Variants in DAP observed in about 807,000 individuals in gnomAD.
DAP encodes death associated protein.
Under a neutral mutation model 13.8 loss-of-function variants are expected in DAP, and 8 were observed. That is an observed-to-expected ratio of 0.58 (90% confidence interval 0.34 to 1.05). DAP has a LOEUF of 1.05. Among genes scored for constraint, DAP ranks in the 50% least tolerant of loss-of-function variants. The pLI, the probability that DAP is intolerant of heterozygous loss-of-function variation, is 0.03. For missense variants in DAP, 106 were observed against 133.2 expected (o/e 0.80, Z 1.01); for synonymous variants, 47 against 47.5 (o/e 0.99, Z 0.04).
In DAP at chr5:10,689,501, T is replaced by G. The variant is rs568580250; in HGVS notation, c.153-5930A>C. On this transcript the variant is annotated intron_variant, in intron 2 of 3. Coordinates refer to ENST00000230895, the MANE Select transcript of DAP (RefSeq NM_004394.3). Reference sequence around the variant, plus strand: ...GAAACCCCAAATTCACGGAGATAGCTCCTTTGTGCTGAGTCATGACTGAAT... The same window carrying G: ...GAAACCCCAAATTCACGGAGATAGCGCCTTTGTGCTGAGTCATGACTGAAT... Among the ~76,000 whole-genome samples, 229 of 152,294 alleles carry G rather than the reference T, an allele frequency of 1.5e-3. 1 individual carries two copies. The highest frequency in any genetic ancestry group is 5.3e-3 in the African/African-American group (222 of 41,568).
At chr5:10,760,531 T>C (rs1247121773) in intron 1 of DAP, among the ~76,000 whole-genome samples, 1 of 152,046 alleles carries the variant, frequency 6.6e-6, no homozygotes, top group Non-Finnish European at 1.5e-5. Context: ...TCATATTGAG[T>C]GATTAATGAT....
rs890330437 is a variant in DAP, at chr5:10,721,761, G to A, written c.152+26414C>T. On this transcript the variant is annotated intron_variant, in intron 2 of 3. Coordinates refer to ENST00000230895, the MANE Select transcript of DAP (RefSeq NM_004394.3). The stretch of plus-strand genomic sequence containing the variant: ...GAAGGTAGTCATCAATACCAGCTAC[G>A]ACCATGTGACCAGTTCCGGCTCCAG... 1.8e-4 allele frequency among the ~76,000 whole-genome samples: 28 copies of A among 152,216 alleles called. 1 individual carries two copies. The highest frequency in any genetic ancestry group is 2.9e-4 in the Non-Finnish European group (20 of 68,036).
In DAP at chr5:10,749,047, GAT is replaced by G. The variant is rs371758491; in HGVS notation, c.56-778_56-777del. ...CTGGACTTGCTTATTTCGGACATGT[GAT>G]ATAAGTGGAATTATAAACTATGTGG... On this transcript the variant is annotated intron_variant, in intron 1 of 3. Coordinates refer to ENST00000230895, the MANE Select transcript of DAP (RefSeq NM_004394.3). Among the ~76,000 whole-genome samples the G allele has an allele frequency of 4.6e-4, 70 of 152,298 alleles. No homozygotes were observed. In the East Asian group the frequency reaches 0.013, roughly 28 times the overall value.
intron 2 of DAP, among the ~76,000 whole-genome samples, chr5:10,744,014 A>G (rs1355601113): frequency 1.3e-5 from 2 of 152,242 alleles, no homozygotes; most frequent in African/African-American, 2.4e-5. Context: ...TGCAAGAAAA[A>G]TAACTAGTAA....
chr5:10,760,371 A>AATC (rs1196971306), intron 1 of DAP, among the ~76,000 whole-genome samples: 2 of 152,158 alleles, frequency 1.3e-5, no homozygotes, highest in African/African-American at 4.8e-5. Flanking sequence ...CAGAAGCATG[A>AATC]AGGCTGCTTA....
Position 10,680,355 on chromosome 5 carries a change from G to T in DAP, c.*701C>A. ...TCTCCTGGTGGAGCCTGTCTGGGCT[G>T]AGGCGATGCTGGGCTTGCCGTGCCG... On this transcript the variant is annotated 3_prime_UTR_variant, in exon 4 of 4. Coordinates refer to ENST00000230895, the MANE Select transcript of DAP (RefSeq NM_004394.3). 1 of 260,786 alleles carries T rather than the reference G, an allele frequency of 3.8e-6. No individual in the cohort carries two copies. The allele number at this position is 260,786 out of a possible 1,614,324, so 16.2% of individuals were successfully genotyped here.
At chr5:10,730,454 G>T (rs1484510493) in intron 2 of DAP, among the ~76,000 whole-genome samples, 2 of 150,014 alleles carry the variant, frequency 1.3e-5, no homozygotes. Flanking sequence ...TGGTCGAGAA[G>T]AATTTTTCTC....
At position 10,734,715 on chromosome 5, in the gene DAP, T is replaced by A. The variant is rs187464356; in HGVS notation, c.152+13460A>T. 7.9e-5 allele frequency among the ~76,000 whole-genome samples: 12 copies of A among 152,322 alleles called. No homozygotes were observed. In the South Asian group the frequency reaches 1.0e-3, roughly 13 times the overall value. On this transcript the variant is annotated intron_variant, in intron 2 of 3. Transcript: ENST00000230895. ...ATATCCACAGGTGTTGGGAGAAATG[T>A]TTAATTTCTATTATATACAACAACA... is the stretch of plus-strand genomic sequence containing the variant.
At chr5:10,744,301 T>C (rs960340979) in intron 2 of DAP, among the ~76,000 whole-genome samples, 6 of 152,210 alleles carry the variant, frequency 3.9e-5, no homozygotes, top group African/African-American at 1.4e-4. Context: ...TATAAAACTT[T>C]AGGATCAGGG....
intron 2 of DAP, among the ~76,000 whole-genome samples, chr5:10,690,174 G>A (rs1002586163): frequency 2.0e-5 from 3 of 152,170 alleles, no homozygotes; most frequent in Admixed American, 6.5e-5. Flanking sequence ...CGCAAGAGGC[G>A]ACTCGGCGGG....
intron 2 of DAP, among the ~76,000 whole-genome samples, chr5:10,715,724 G>A (rs925772322): frequency 6.6e-6 from 1 of 152,128 alleles, no homozygotes; most frequent in South Asian, 2.1e-4. Context: ...CCGATGCCAC[G>A]GAGAGAAAGG....
chr5:10,730,678 G>A (rs1401364791), intron 2 of DAP, among the ~76,000 whole-genome samples: 39 of 130,532 alleles, frequency 3.0e-4, no homozygotes, highest in East Asian at 5.1e-4. Flanking sequence ...AGCCCTGGTG[G>A]GGGGGAATCT....
intron 2 of DAP, among the ~76,000 whole-genome samples, chr5:10,685,117 C>G (rs1738124062): frequency 9.0e-6 from 1 of 110,966 alleles, no homozygotes; most frequent in Admixed American, 9.2e-5. Flanking sequence ...GTTTACTTCC[C>G]CAAAGAGTTT....
chr5:10,752,221 T>C (rs1471107836), intron 1 of DAP, among the ~76,000 whole-genome samples: 2 of 152,230 alleles, frequency 1.3e-5, no homozygotes, highest in Non-Finnish European at 2.9e-5. Flanking sequence ...TAATTTAGTT[T>C]CTAAAAACAA....
At chr5:10,729,546 A>G (rs912499385) in intron 2 of DAP, among the ~76,000 whole-genome samples, 2 of 152,246 alleles carry the variant, frequency 1.3e-5, no homozygotes, top group African/African-American at 4.8e-5. Flanking sequence ...AGATAAATTC[A>G]AAGTGATCTA....
chr5:10,715,774 T>C (rs1738969456), intron 2 of DAP, among the ~76,000 whole-genome samples: 1 of 152,240 alleles, frequency 6.6e-6, no homozygotes, highest in Admixed American at 6.5e-5. Flanking sequence ...GCCTCATTTA[T>C]CATTCATGCC....
chr5:10,682,778 A>C (rs924027387), intron 3 of DAP, among the ~76,000 whole-genome samples: 1 of 152,248 alleles, frequency 6.6e-6, no homozygotes, highest in Non-Finnish European at 1.5e-5. Flanking sequence ...GAGACACAGG[A>C]ACATGCGACT....
chr5:10,752,318 A>G lies in DAP; in HGVS notation c.56-4047T>C, dbSNP rs947329847. On this transcript the variant is annotated intron_variant, in intron 1 of 3. Coordinates refer to ENST00000230895, the MANE Select transcript of DAP (RefSeq NM_004394.3). Reference sequence around the variant, plus strand: ...TAATAACAATAATAACTCAAAGCTGAGACAGATTCATTTTAACTTACAATA... The same window carrying G: ...TAATAACAATAATAACTCAAAGCTGGGACAGATTCATTTTAACTTACAATA... 5.3e-5 allele frequency among the ~76,000 whole-genome samples: 8 copies of G among 152,258 alleles called. 1 individual carries two copies. The highest frequency in any genetic ancestry group is 1.3e-4 in the Admixed American group (2 of 15,288).
intron 1 of DAP, among the ~76,000 whole-genome samples, chr5:10,751,856 T>C (rs1740055166): frequency 6.6e-6 from 1 of 152,218 alleles, no homozygotes; most frequent in African/African-American, 2.4e-5. Context: ...ACCTTGATCT[T>C]GGACTTCAGC....
Sources: gnomAD v4.1 joint callset for allele counts (sites outside exome capture counted in the v4.1 genomes callset) on GRCh38, gnomAD v4.1.1 for gene constraint, MANE v1.5 for transcripts, NCBI Gene and HGNC (gene_info 2026-07-23, HGNC 2026-07-21) for gene names.